The following FBXL7 variants were observed in gnomAD, a reference collection of about 807,000 sequenced individuals.
FBXL7 encodes F-box and leucine rich repeat protein 7, also known as F-box/LRR-repeat protein 7.
Under a neutral mutation model 38.3 loss-of-function variants are expected in FBXL7, and 12 were observed. The observed-to-expected ratio is 0.31, with a 90% CI of 0.20 to 0.51. The LOEUF (loss-of-function observed/expected upper bound fraction) is 0.51, where lower values mean the gene tolerates loss of function less well. Among genes scored for constraint, FBXL7 ranks in the 20% least tolerant of loss-of-function variants. The pLI is 0.98. For synonymous variants in FBXL7, 297 were observed against 300.9 expected (o/e 0.99, Z 0.13); for missense variants, 567 against 676.4 (o/e 0.84, Z 1.79).
rs186353802 is a variant in FBXL7, at chr5:15,710,252, G to A, written c.127+94180G>A. 1.7e-3 allele frequency among the ~76,000 whole-genome samples: 260 copies of A among 152,188 alleles called. 2 individuals carry two copies. The highest frequency in any genetic ancestry group is 3.1e-3 in the Non-Finnish European group (212 of 68,014). ...ATATGGCTGAGCCACGCACACCCTC[G>A]TTGACTCTCTGCTGTCAATGTCTGC... On this transcript the variant is annotated intron_variant, in intron 2 of 3. Coordinates refer to ENST00000504595, the MANE Select transcript of FBXL7 (RefSeq NM_012304.5).
chr5:15,605,040 C>G (rs1200052939), intron 1 of FBXL7, among the ~76,000 whole-genome samples: 1 of 152,152 alleles, frequency 6.6e-6, no homozygotes, highest in Non-Finnish European at 1.5e-5. Flanking sequence ...GGCCGTACAG[C>G]CCTGCTCAGA....
intron 1 of FBXL7, among the ~76,000 whole-genome samples, chr5:15,504,768 A>C (rs951166324): frequency 1.3e-5 from 2 of 152,228 alleles, no homozygotes; most frequent in African/African-American, 4.8e-5. Flanking sequence ...CATTAGAACC[A>C]TTAGCTTTGA....
intron 2 of FBXL7, among the ~76,000 whole-genome samples, chr5:15,675,701 G>A (rs1742631197): frequency 1.3e-5 from 2 of 152,148 alleles, no homozygotes; most frequent in African/African-American, 4.8e-5. Context: ...CCTTCTCTAG[G>A]TTCTGAGCAG....
intron 1 of FBXL7, among the ~76,000 whole-genome samples, chr5:15,537,167 C>T (rs1167231086): frequency 6.6e-6 from 1 of 152,188 alleles, no homozygotes; most frequent in Non-Finnish European, 1.5e-5. Flanking sequence ...ATAAATTACC[C>T]AGTCTCATCT....
chr5:15,558,255 C>T (rs1020556568), intron 1 of FBXL7, among the ~76,000 whole-genome samples: 4 of 152,208 alleles, frequency 2.6e-5, no homozygotes, highest in Non-Finnish European at 4.4e-5. Context: ...GCACCATGCA[C>T]GGTTTGCAGG....
chr5:15,590,780 C>G (rs1344118242), intron 1 of FBXL7, among the ~76,000 whole-genome samples: 1 of 152,080 alleles, frequency 6.6e-6, no homozygotes, highest in African/African-American at 2.4e-5. Flanking sequence ...GAGATGATGC[C>G]ACTGTTAGGT....
At chr5:15,621,548 G>A (rs1415521760) in intron 2 of FBXL7, among the ~76,000 whole-genome samples, 3 of 152,126 alleles carry the variant, frequency 2.0e-5, no homozygotes, top group Middle Eastern at 3.2e-3. Flanking sequence ...AGAATCAGTT[G>A]GATTAGGTTA....
chr5:15,869,457 T>G (rs1427946417), intron 2 of FBXL7, among the ~76,000 whole-genome samples: 1 of 152,170 alleles, frequency 6.6e-6, no homozygotes, highest in African/African-American at 2.4e-5. Context: ...TCAGGGGCAC[T>G]TCTTTCACGC....
chr5:15,534,858 GTGTC>G (rs1561018549), intron 1 of FBXL7, among the ~76,000 whole-genome samples: 1 of 152,176 alleles, frequency 6.6e-6, no homozygotes, highest in African/African-American at 2.4e-5. Flanking sequence ...ATTCTGATAG[GTGTC>G]TGGTTGTGGT....
At chr5:15,691,115 C>T (rs1278443972) in intron 2 of FBXL7, among the ~76,000 whole-genome samples, 1 of 152,208 alleles carries the variant, frequency 6.6e-6, no homozygotes, top group East Asian at 1.9e-4. Flanking sequence ...TTTCCTGCCA[C>T]CTGGCCCCCA....
intron 2 of FBXL7, among the ~76,000 whole-genome samples, chr5:15,836,387 C>A (rs375342453): frequency 1.3e-5 from 2 of 151,750 alleles, no homozygotes; most frequent in Admixed American, 6.6e-5. Flanking sequence ...CTATACAGAA[C>A]AAAAAGAAAA....
At chr5:15,765,445 A>T (rs752209540) in intron 2 of FBXL7, among the ~76,000 whole-genome samples, 2 of 152,168 alleles carry the variant, frequency 1.3e-5, no homozygotes, top group African/African-American at 2.4e-5. Flanking sequence ...AATGCCCAAG[A>T]TGTGCATCAC....
At chr5:15,846,161 C>G (rs901506469) in intron 2 of FBXL7, among the ~76,000 whole-genome samples, 3 of 152,164 alleles carry the variant, frequency 2.0e-5, no homozygotes, top group African/African-American at 7.2e-5. Context: ...CAGGGTATCA[C>G]AATGAATGAA....
chr5:15,770,152 C>T (rs1050229380), intron 2 of FBXL7, among the ~76,000 whole-genome samples: 5 of 152,116 alleles, frequency 3.3e-5, no homozygotes, highest in Admixed American at 6.5e-5. Flanking sequence ...GATTAAGTCA[C>T]CAGGTGCCAG....
intron 2 of FBXL7, among the ~76,000 whole-genome samples, chr5:15,803,607 C>G (rs1419792747): frequency 6.6e-6 from 1 of 151,350 alleles, no homozygotes; most frequent in Non-Finnish European, 1.5e-5. Context: ...TCTCTGCATT[C>G]CTTCTAATGT....
chr5:15,675,144 T>C (rs915458170), intron 2 of FBXL7, among the ~76,000 whole-genome samples: 3 of 152,210 alleles, frequency 2.0e-5, no homozygotes, highest in Admixed American at 6.5e-5. Context: ...CCCTAAAAAA[T>C]GCCACTGAGC....
intron 2 of FBXL7, 69 bp from the exon 3 acceptor site, chr5:15,927,821 G>A: frequency 9.1e-7 from 1 of 1,095,266 alleles, no homozygotes; most frequent in Admixed American, 3.2e-5. Context: ...AGAAACCAGT[G>A]CTTTTGCTGC....
intron 1 of FBXL7, among the ~76,000 whole-genome samples, chr5:15,563,570 G>T (rs2126440478): frequency 6.6e-6 from 1 of 152,182 alleles, no homozygotes; most frequent in South Asian, 2.1e-4. Flanking sequence ...CCTCAAGGAA[G>T]CCGAGTTCTC....
At chr5:15,822,255 A>G (rs1208390588) in intron 2 of FBXL7, among the ~76,000 whole-genome samples, 2 of 151,568 alleles carry the variant, frequency 1.3e-5, no homozygotes, top group African/African-American at 4.8e-5. Context: ...CCAGCTACAC[A>G]GGAGGCTAAG....
Sources: gnomAD v4.1 joint callset for allele counts (sites outside exome capture counted in the v4.1 genomes callset) on GRCh38, gnomAD v4.1.1 for gene constraint, MANE v1.5 for transcripts, NCBI Gene and HGNC (gene_info 2026-07-23, HGNC 2026-07-21) for gene names.